MAMDC2: variants seen among roughly 807,000 people sequenced by gnomAD.
The protein encoded by MAMDC2 is MAM domain containing 2.
Under a neutral mutation model 89.8 loss-of-function variants are expected in MAMDC2, and 57 were observed. The observed-to-expected ratio is 0.63, with a 90% CI of 0.51 to 0.79. MAMDC2 has a LOEUF of 0.79. Ranked by LOEUF, MAMDC2 falls within the 30% of genes least tolerant of loss-of-function variation. The probability of loss-of-function intolerance (pLI) is 0.00; values close to 1 mark genes in which losing one functional copy is unlikely to be tolerated. For missense variants in MAMDC2, 800 were observed against 820.6 expected (o/e 0.97, Z 0.31); for synonymous variants, 313 against 293.4 (o/e 1.07, Z -0.68).
intron 11 of MAMDC2, among the ~76,000 whole-genome samples, chr9:70,210,137 G>C (rs1050680103): frequency 7.2e-5 from 11 of 152,314 alleles, no homozygotes; most frequent in African/African-American, 2.6e-4. Context: ...GAGTTCTGCA[G>C]ATATCTATTA....
At chr9:70,161,453 G>C (rs2031967312) in intron 9 of MAMDC2, among the ~76,000 whole-genome samples, 1 of 152,192 alleles carries the variant, frequency 6.6e-6, no homozygotes, top group Non-Finnish European at 1.5e-5. Flanking sequence ...GTATTGGTCA[G>C]CTAAAAACTT....
intron 9 of MAMDC2, among the ~76,000 whole-genome samples, chr9:70,154,981 T>A (rs2031708560): frequency 6.6e-6 from 1 of 152,068 alleles, no homozygotes; most frequent in South Asian, 2.1e-4. Context: ...ACAACACAGC[T>A]TATCCAGCCT....
chr9:70,199,204 C>CCCCTCCT (rs1180714316), intron 11 of MAMDC2, among the ~76,000 whole-genome samples: 1 of 28,970 alleles, frequency 3.5e-5, no homozygotes, highest in South Asian at 3.8e-3. Context: ...CTATCCCTCC[C>CCCCTCCT]CCCACCCCAC....
rs374578014 is a variant in MAMDC2 at position 70,170,694 on chromosome 9, G to A, written c.1651+63G>A. ...CTTCTAAAATAGCATTCTAGGAATC[G>A]TTTACTGCATTTTGAAATGTGCAAA... On this transcript the variant is annotated intron_variant, in intron 11 of 13. Coordinates refer to ENST00000377182, the MANE Select transcript of MAMDC2 (RefSeq NM_153267.5). 1.2e-4 allele frequency: 176 copies of A among 1,459,148 alleles called. 3 individuals carry two copies. In the African/African-American group the frequency reaches 1.3e-3, roughly 11 times the overall value. 90.4% of individuals were successfully genotyped at this position (1,459,148 alleles called of 1,614,324 possible). A position where few individuals can be genotyped will look rare whatever the true frequency, so the allele number is the denominator to read the frequency against.
chr9:70,213,835 AT>A (rs1347816132), intron 11 of MAMDC2, among the ~76,000 whole-genome samples: 2 of 152,290 alleles, frequency 1.3e-5, no homozygotes, highest in African/African-American at 4.8e-5. Context: ...TAAGACTTTA[AT>A]TTTACCAAAA....
At chr9:70,145,148 A>T (rs2118424394) in intron 9 of MAMDC2, among the ~76,000 whole-genome samples, 1 of 152,320 alleles carries the variant, frequency 6.6e-6, no homozygotes, top group Admixed American at 6.5e-5. Context: ...TCTTACAGAA[A>T]CGGCTTCTTA....
chr9:70,049,725 G>T (rs138858097), intron 2 of MAMDC2, among the ~76,000 whole-genome samples: 41 of 152,308 alleles, frequency 2.7e-4, no homozygotes, highest in African/African-American at 8.7e-4. Flanking sequence ...AGAGATGGTC[G>T]ACCCCAGAAA....
intron 11 of MAMDC2, among the ~76,000 whole-genome samples, chr9:70,176,740 A>G (rs2032514386): frequency 6.6e-6 from 1 of 152,192 alleles, no homozygotes. Flanking sequence ...AAGAAAAACA[A>G]GTTTTGCTAC....
Position 70,130,888 on chromosome 9 carries a change from C to T in MAMDC2, c.901-631C>T, listed in dbSNP as rs140679887. On this transcript the variant is annotated intron_variant, in intron 6 of 13. Transcript: ENST00000377182. ...ATGCTAATTAGTTCTGTAGTTCTAG[C>T]AGAAATGACATAGGCACTTCAGCTG... 3.8e-3 allele frequency among the ~76,000 whole-genome samples: 579 copies of T among 152,218 alleles called. 2 individuals are homozygous for T. The highest frequency in any genetic ancestry group is 0.013 in the African/African-American group (553 of 41,520).
chr9:70,186,981 C>G (rs2032770270), intron 11 of MAMDC2, among the ~76,000 whole-genome samples: 1 of 152,082 alleles, frequency 6.6e-6, no homozygotes, highest in Non-Finnish European at 1.5e-5. Flanking sequence ...CCCACTAGGT[C>G]ACACCTCCAA....
In MAMDC2 at chr9:70,107,721, T is replaced by C. The variant is rs528176547; in HGVS notation, c.149-490T>C. ...CATAATGATGCAAGTTAAATGCAGA[T>C]TGAAACATTAGGTAATGGGGAGAGC... On this transcript the variant is annotated intron_variant, in intron 2 of 13. Transcript: ENST00000377182. 1.2e-4 allele frequency among the ~76,000 whole-genome samples: 19 copies of C among 152,314 alleles called. No homozygotes were observed. In the East Asian group the frequency reaches 2.9e-3, roughly 23 times the overall value.
intron 5 of MAMDC2, among the ~76,000 whole-genome samples, chr9:70,122,175 C>T (rs7857325): frequency 0.91 from 139,229 of 152,292 alleles, 63,809 homozygotes; most frequent in East Asian, 1. Context: ...CAAGAGCATG[C>T]GGTCTAGTCT....
intron 11 of MAMDC2, among the ~76,000 whole-genome samples, chr9:70,195,590 C>T (rs2032960949): frequency 6.6e-6 from 1 of 152,012 alleles, no homozygotes; most frequent in African/African-American, 2.4e-5. Context: ...ACTGTCCGGC[C>T]CCATCCTTCT....
intron 11 of MAMDC2, 118 bp downstream of exon 11, chr9:70,170,749 C>T (rs2032315216): frequency 5.5e-6 from 5 of 903,760 alleles, no homozygotes; most frequent in Non-Finnish European, 6.5e-6. Context: ...ATGAAATGCA[C>T]TTGTGATTCT....
intron 11 of MAMDC2, among the ~76,000 whole-genome samples, chr9:70,207,099 G>T (rs2033242737): frequency 2.0e-5 from 3 of 152,190 alleles, no homozygotes; most frequent in African/African-American, 7.2e-5. Context: ...TACATATGCA[G>T]GTGTCTTTAT....
At chr9:70,218,652 T>C (rs1587582229) in intron 12 of MAMDC2, 56 bp downstream of exon 12, 2 of 1,501,056 alleles carry the variant, frequency 1.3e-6, no homozygotes, top group Middle Eastern at 1.9e-4. Flanking sequence ...GCTTCTGATG[T>C]TCTTTCTTAT....
At chr9:70,126,791 A>G (rs1276818237) in intron 6 of MAMDC2, among the ~76,000 whole-genome samples, 1 of 151,466 alleles carries the variant, frequency 6.6e-6, no homozygotes, top group African/African-American at 2.4e-5. Context: ...CCTTCCTGAG[A>G]GCAGTTTTGA....
At chr9:70,068,900 C>T (rs1198407769) in intron 2 of MAMDC2, among the ~76,000 whole-genome samples, 1 of 152,042 alleles carries the variant, frequency 6.6e-6, no homozygotes, top group African/African-American at 2.4e-5. Flanking sequence ...GTAGACATTA[C>T]AATGCTGTAA....
rs767511635 is a variant in MAMDC2, at chr9:70,113,091, A to T, written c.602A>T (p.His201Leu). Reference protein sequence around the residue: ...FVGGGSIRNVHSILPQDHTFK... With the variant: ...FVGGGSIRNVLSILPQDHTFK... Reference sequence around the variant, plus strand: ...GGAGGAGGAAGTATTCGGAATGTCCACTCCATTCTCCCACAGGATCACACC... The same window carrying T: ...GGAGGAGGAAGTATTCGGAATGTCCTCTCCATTCTCCCACAGGATCACACC... Residue 201 changes from histidine (H) to leucine (L), a missense_variant, in exon 5 of 14, where the codon CAC (histidine) becomes CTC (leucine). Physicochemically the swap from His to Leu is moderately conservative, Grantham distance 99 (BLOSUM62 -3). Coordinates refer to ENST00000377182, the MANE Select transcript of MAMDC2 (RefSeq NM_153267.5). The T allele has an allele frequency of 1.2e-6, 2 of 1,613,958 alleles. No homozygotes were observed. The highest frequency in any genetic ancestry group is 1.7e-6 in the Non-Finnish European group (2 of 1,179,956).
Sources: allele counts gnomAD v4.1 joint callset (sites outside exome capture counted in the v4.1 genomes callset), GRCh38; gene constraint gnomAD v4.1.1; transcripts MANE v1.5; gene names NCBI Gene and HGNC (gene_info 2026-07-23, HGNC 2026-07-21).